HSD17B12: variants seen among roughly 807,000 people sequenced by gnomAD.
HSD17B12 encodes the protein very-long-chain 3-oxoacyl-CoA reductase.
HSD17B12 carries 32 observed loss-of-function variants against 39.3 expected under a neutral mutation model. The ratio of observed to expected loss-of-function variants is 0.81; its 90% CI spans 0.61 to 1.09. HSD17B12 has a LOEUF of 1.09. Among genes scored for constraint, HSD17B12 ranks in the 50% least tolerant of loss-of-function variants. The pLI is 0.00. For synonymous variants in HSD17B12, 150 were observed against 146.7 expected, an observed-to-expected ratio of 1.02 and a Z score of -0.16; for missense variants, 342 against 382.9, an observed-to-expected ratio of 0.89 and a Z score of 0.89.
intron 1 of HSD17B12, among the ~76,000 whole-genome samples, chr11:43,690,396 A>ATTTTTTT (rs1565049786): frequency 2.6e-4 from 7 of 27,408 alleles, no homozygotes; most frequent in Non-Finnish European, 3.4e-4. Flanking sequence ...ATATATATAT[A>ATTTTTTT]TATATATATT....
rs191687664 is a variant in HSD17B12, at chr11:43,736,800, G to A, written c.161-14111G>A. ...TGTTCTTTGTTAAATATGAGCTGGC[G>A]TGTGTTAAGACTACGTTAGCATTTG... is the stretch of plus-strand genomic sequence containing the variant. On this transcript the variant is annotated intron_variant, in intron 1 of 10. Coordinates refer to ENST00000278353, the MANE Select transcript of HSD17B12 (RefSeq NM_016142.3). 1.2e-3 allele frequency among the ~76,000 whole-genome samples: 187 copies of A among 152,232 alleles called. 2 individuals are homozygous for A. The highest frequency in any genetic ancestry group is 1.9e-4 in the East Asian group (1 of 5,182).
At chr11:43,708,654 A>G (rs899492268) in intron 1 of HSD17B12, among the ~76,000 whole-genome samples, 1 of 152,226 alleles carries the variant, frequency 6.6e-6, no homozygotes, top group African/African-American at 2.4e-5. Context: ...GTTGAAAAAG[A>G]TAATTTCTAT....
chr11:43,648,885 C>T, the HSD17B12 span, among the ~76,000 whole-genome samples: 1 of 152,192 alleles, frequency 6.6e-6, no homozygotes, highest in African/African-American at 2.4e-5. Flanking sequence ...GCACCCACCA[C>T]CATGCCTAGC....
At chr11:43,571,401 T>C in the HSD17B12 span, among the ~76,000 whole-genome samples, 1 of 152,210 alleles carries the variant, frequency 6.6e-6, no homozygotes, top group Non-Finnish European at 1.5e-5. Context: ...CCCTATCATG[T>C]GCTTGCTTTA....
chr11:43,564,898 CTTT>C, the HSD17B12 span, among the ~76,000 whole-genome samples: 3 of 140,588 alleles, frequency 2.1e-5, no homozygotes, highest in Non-Finnish European at 4.6e-5. Context: ...CTTTCTTCTT[CTTT>C]TTTTTTTTTT....
chr11:43,835,375 C>T (rs1486564116), intron 7 of HSD17B12, among the ~76,000 whole-genome samples: 5 of 152,088 alleles, frequency 3.3e-5, no homozygotes, highest in Admixed American at 6.6e-5. Flanking sequence ...TGCTCAGCCC[C>T]GTTTCTACAT....
At chr11:43,826,754 A>G (rs1209086743) in intron 6 of HSD17B12, among the ~76,000 whole-genome samples, 2 of 151,016 alleles carry the variant, frequency 1.3e-5, no homozygotes, top group African/African-American at 4.8e-5. Flanking sequence ...GTGAGATTCT[A>G]AGAATTTCTA....
the HSD17B12 span, among the ~76,000 whole-genome samples, chr11:43,650,142 G>A: frequency 6.6e-6 from 1 of 152,152 alleles, no homozygotes; most frequent in African/African-American, 2.4e-5. Flanking sequence ...TGCCATGACA[G>A]ATAACAGGAA....
intron 1 of HSD17B12, among the ~76,000 whole-genome samples, chr11:43,737,288 C>T (rs1950325427): frequency 6.6e-6 from 1 of 152,116 alleles, no homozygotes; most frequent in Non-Finnish European, 1.5e-5. Context: ...TGATTGGGTT[C>T]TTACTAAAAA....
At chr11:43,592,768 AT>A in the HSD17B12 span, among the ~76,000 whole-genome samples, 24 of 150,366 alleles carry the variant, frequency 1.6e-4, no homozygotes, top group African/African-American at 5.4e-4. Flanking sequence ...TTATAGAGCC[AT>A]TTTTTTTTAA....
intron 3 of HSD17B12, among the ~76,000 whole-genome samples, chr11:43,761,230 T>C (rs188193765): frequency 7.3e-4 from 111 of 152,360 alleles, no homozygotes; most frequent in African/African-American, 2.6e-3. Flanking sequence ...AAAATTGTTT[T>C]ATCTAATTAT....
chr11:43,812,089 A>C (rs1487607346), intron 4 of HSD17B12, among the ~76,000 whole-genome samples: 2 of 152,144 alleles, frequency 1.3e-5, no homozygotes, highest in African/African-American at 2.4e-5. Context: ...TATTGTGTAT[A>C]TATACTAAAT....
At position 43,695,396 on chromosome 11, in the gene HSD17B12, C is replaced by T. The variant is rs373901529; in HGVS notation, c.160+14409C>T. 4.6e-5 allele frequency among the ~76,000 whole-genome samples: 7 copies of T among 151,974 alleles called. No individual in the cohort carries two copies. In the East Asian group the frequency reaches 9.7e-4, roughly 21 times the overall value. On this transcript the variant is annotated intron_variant, in intron 1 of 10. Coordinates refer to ENST00000278353, the MANE Select transcript of HSD17B12 (RefSeq NM_016142.3). ...GAGTTTGAGACCAGCCTGACCAACA[C>T]GGTGAAAACCGGTCTCTACTAAAAA...
At chr11:43,810,367 T>TTATATATATATA (rs59970877) in intron 4 of HSD17B12, among the ~76,000 whole-genome samples, 935 of 59,014 alleles carry the variant, frequency 0.016, 9 homozygotes, top group African/African-American at 0.031. Flanking sequence ...AATTTAGAAA[T>TTATATATATATA]TATATATATA....
At chr11:43,810,617 T>G (rs979856581) in intron 4 of HSD17B12, among the ~76,000 whole-genome samples, 2 of 152,036 alleles carry the variant, frequency 1.3e-5, no homozygotes, top group Non-Finnish European at 2.9e-5. Context: ...TCTTGGTCTG[T>G]TTTCACCTCT....
At chr11:43,671,619 G>A in the HSD17B12 span, among the ~76,000 whole-genome samples, 1 of 152,140 alleles carries the variant, frequency 6.6e-6, no homozygotes, top group African/African-American at 2.4e-5. Context: ...GTGCAATATT[G>A]GTATGTCAAG....
the HSD17B12 span, among the ~76,000 whole-genome samples, chr11:43,616,416 A>C: frequency 8.0e-3 from 481 of 59,856 alleles, 50 homozygotes; most frequent in East Asian, 0.17. Flanking sequence ...CTAAAAAAAA[A>C]ACAAAAAACA....
intron 2 of HSD17B12, among the ~76,000 whole-genome samples, chr11:43,753,397 T>C (rs1348142727): frequency 1.4e-5 from 2 of 146,846 alleles, no homozygotes; most frequent in East Asian, 3.9e-4. Flanking sequence ...TTTTTTTTTT[T>C]TTTTTGAGAT....
chr11:43,708,378 CTT>C (rs1327726731), intron 1 of HSD17B12, among the ~76,000 whole-genome samples: 1 of 152,126 alleles, frequency 6.6e-6, no homozygotes, highest in East Asian at 1.9e-4. Context: ...CTATGTATCT[CTT>C]TATTAATCTT....
Sources: gnomAD v4.1 joint callset for allele counts (sites outside exome capture counted in the v4.1 genomes callset) on GRCh38, gnomAD v4.1.1 for gene constraint, MANE v1.5 for transcripts, NCBI Gene and HGNC (gene_info 2026-07-23, HGNC 2026-07-21) for gene names.